The following LINS1 variants were observed in gnomAD, a reference collection of about 807,000 sequenced individuals.
LINS1 encodes the protein lines homolog 1, also known as protein Lines homolog 1.
Under a neutral mutation model 41.6 loss-of-function variants are expected in LINS1, and 27 were observed. The observed-to-expected ratio is 0.65, with a 90% CI of 0.48 to 0.89. The LOEUF is 0.89. Ranked by LOEUF, LINS1 falls within the 40% of genes least tolerant of loss-of-function variation. The pLI, the probability that LINS1 is intolerant of heterozygous loss-of-function variation, is 0.00. For synonymous variants in LINS1, 336 were observed against 312.9 expected, an observed-to-expected ratio of 1.07 and a Z score of -0.78; for missense variants, 955 against 884.1, an observed-to-expected ratio of 1.08 and a Z score of -1.02.
chr15:100,567,778 C>A lies in LINS1; in HGVS notation c.*1460G>T, dbSNP rs1596865202. On this transcript the variant is annotated 3_prime_UTR_variant, in exon 7 of 7. Transcript: ENST00000314742. ...CACCGACAGCATGTTAAAACGCAAA[C>A]CTTTTGACCTTTGCATTGCTATTTG... is the stretch of plus-strand genomic sequence containing the variant. The A allele has an allele frequency of 6.6e-6, 1 of 152,160 alleles. No individual in the cohort carries two copies. The highest frequency in any genetic ancestry group is 2.4e-5 in the African/African-American group (1 of 41,420). The allele number at this position is 152,160 out of a possible 1,614,324, so 9.4% of individuals were successfully genotyped here.
chr15:100,569,729 C>G lies in LINS1; in HGVS notation c.1783G>C (p.Asp595His). The G allele has an allele frequency of 6.2e-7, 1 of 1,613,662 alleles. No homozygotes were observed. Among genetic ancestry groups the G allele is most frequent in the Non-Finnish European group, 8.5e-7 (1 of 1,179,750 alleles). ...GCTTTCAGTGGTTCAGAGGGAGCAT[C>G]GGAAGCCCAGGAGTGCCGAGCACAC... Reference protein sequence around the residue: ...DVCARHSWASDAPSEPLKAVM... With the variant: ...DVCARHSWASHAPSEPLKAVM... The change falls in exon 7 of 7, where the codon GAT becomes CAT. Residue 595 changes from aspartate to histidine, a missense_variant. Coordinates refer to ENST00000314742, the MANE Select transcript of LINS1 (RefSeq NM_001040616.3).
In LINS1 at chr15:100,580,892, A is replaced by G; in HGVS notation, c.-50T>C. On this transcript the variant is annotated 5_prime_UTR_variant, in exon 2 of 7. Coordinates refer to ENST00000314742, the MANE Select transcript of LINS1 (RefSeq NM_001040616.3). The stretch of plus-strand genomic sequence containing the variant: ...AAGAAGGTCGACAACTCCAAGTTGT[A>G]AACATTAAATCTCAGAAGTGCAATG... 1.3e-6 allele frequency: 2 copies of G among 1,524,592 alleles called. No homozygotes were observed. Among genetic ancestry groups the G allele is most frequent in the Non-Finnish European group, 1.8e-6 (2 of 1,111,364 alleles). 94.4% of individuals were successfully genotyped at this position (1,524,592 alleles called of 1,614,324 possible).
chr15:100,572,092 T>C, intron 5 of LINS1, 27 bp from the exon 6 acceptor site: 1 of 1,613,326 alleles, frequency 6.2e-7, no homozygotes, highest in Non-Finnish European at 8.5e-7. Context: ...TTTCAAAGTG[T>C]AGGCAATAGT....
chr15:100,587,323 A>G (rs912235294), intron 1 of LINS1, among the ~76,000 whole-genome samples: 1 of 152,068 alleles, frequency 6.6e-6, no homozygotes, highest in Non-Finnish European at 1.5e-5. Flanking sequence ...AAGTACTTAT[A>G]TAGGTCATGT....
intron 5 of LINS1, 160 bp downstream of exon 5, chr15:100,573,491 A>G: frequency 3.7e-6 from 3 of 800,220 alleles, no homozygotes; most frequent in South Asian, 2.1e-5. Flanking sequence ...AGGTAAATCC[A>G]GTTCTTTTTT....
intron 6 of LINS1, 109 bp from the exon 7 acceptor site, chr15:100,570,226 T>A: frequency 2.2e-6 from 2 of 892,222 alleles, no homozygotes; most frequent in East Asian, 2.6e-5. Context: ...TACTTTTAAA[T>A]CTATGCATCA....
chr15:100,590,222 G>C (rs1826577), intron 1 of LINS1, among the ~76,000 whole-genome samples: 127,981 of 152,174 alleles, frequency 0.84, 54,657 homozygotes, highest in Non-Finnish European at 0.91. Flanking sequence ...TTGTTTATGC[G>C]TCCAAGAACA....
chr15:100,572,245 C>A, intron 5 of LINS1, 180 bp from the exon 6 acceptor site: 3 of 1,422,326 alleles, frequency 2.1e-6, no homozygotes, highest in South Asian at 1.5e-5. Context: ...GACACTGAGG[C>A]TCAGGGAAAA....
intron 1 of LINS1, among the ~76,000 whole-genome samples, chr15:100,600,098 T>A (rs2039415244): frequency 6.6e-6 from 1 of 152,126 alleles, no homozygotes; most frequent in Non-Finnish European, 1.5e-5. Flanking sequence ...TGAACAAATT[T>A]AAAGATGTAA....
At chr15:100,574,718 A>G (rs906310605) in intron 4 of LINS1, among the ~76,000 whole-genome samples, 2 of 152,348 alleles carry the variant, frequency 1.3e-5, no homozygotes, top group Non-Finnish European at 2.9e-5. Context: ...AAAAAATAAA[A>G]CAAAACAAAA....
chr15:100,601,799 C>A (rs1357064987), intron 1 of LINS1, among the ~76,000 whole-genome samples: 2 of 152,098 alleles, frequency 1.3e-5, no homozygotes, highest in East Asian at 3.9e-4. Context: ...CCTCTCCATT[C>A]ATTCACAGGA....
intron 1 of LINS1, among the ~76,000 whole-genome samples, chr15:100,588,173 GT>G (rs1376079713): frequency 6.6e-6 from 1 of 152,180 alleles, no homozygotes; most frequent in African/African-American, 2.4e-5. Context: ...ATAAAGAGGG[GT>G]ACCCTAGGAT....
rs776150946 is a variant in LINS1, at chr15:100,574,073, T to C, written c.800A>G (p.Lys267Arg). The change falls in exon 5 of 7, where the codon AAG becomes AGG. Residue 267 changes from lysine to arginine, a missense_variant. Transcript: ENST00000314742. ...ELLIASRIHL[K>R]LHFTCQRILF... ...AATCCTCTGGCAAGTGAAATGTAAC[T>C]TCAGGTGGATTCTGGAGGCGATGAG... 1 of 1,614,188 alleles carries C rather than the reference T, an allele frequency of 6.2e-7. No homozygotes were observed. Among genetic ancestry groups the C allele is most frequent in the African/African-American group, 1.3e-5 (1 of 75,058 alleles).
chr15:100,596,873 A>G (rs1239994366), intron 1 of LINS1: 1 of 152,158 alleles, frequency 6.6e-6, no homozygotes, highest in Non-Finnish European at 1.5e-5. Flanking sequence ...TTACCATAAA[A>G]CTTCCCTGGG....
At position 100,573,943 on chromosome 15, in the gene LINS1, T is replaced by TTTA. The variant is rs2037999324; in HGVS notation, c.927_929dup (p.Cys309_Lys310insAsn). The TTTA allele has an allele frequency of 6.2e-7, 1 of 1,614,110 alleles. No individual in the cohort carries two copies. On this transcript the variant is annotated inframe_insertion, in exon 5 of 7. Coordinates refer to ENST00000314742, the MANE Select transcript of LINS1 (RefSeq NM_001040616.3). ...ATCCACGACAGAGGTCTTCACCCACTTTACAGAGAAGGCACTTTTTGAGGA... is the reference window on the plus strand; with the variant it reads ...ATCCACGACAGAGGTCTTCACCCACTTTATTACAGAGAAGGCACTTTTTGAGGA...
chr15:100,579,980 A>G (rs565363130), intron 3 of LINS1, among the ~76,000 whole-genome samples: 7 of 152,208 alleles, frequency 4.6e-5, no homozygotes, highest in South Asian at 4.1e-4. Context: ...ATGGCTTTAC[A>G]TATGTTATTA....
At chr15:100,592,320 A>T (rs1175342895) in intron 1 of LINS1, among the ~76,000 whole-genome samples, 1 of 152,186 alleles carries the variant, frequency 6.6e-6, no homozygotes, top group Non-Finnish European at 1.5e-5. Flanking sequence ...GACGCCAAGA[A>T]CCTGGACACC....
chr15:100,595,702 A>C (rs1305327660), intron 1 of LINS1, among the ~76,000 whole-genome samples: 1 of 152,242 alleles, frequency 6.6e-6, no homozygotes, highest in Non-Finnish European at 1.5e-5. Context: ...TAGTTTCTTT[A>C]TATGATGTGG....
intron 5 of LINS1, 113 bp downstream of exon 5, chr15:100,573,538 A>G (rs776360219): frequency 2.5e-6 from 2 of 812,562 alleles, no homozygotes; most frequent in South Asian, 3.4e-5. Flanking sequence ...AAATAGGATA[A>G]CATACAGCTT....
Sources: allele counts gnomAD v4.1 joint callset (sites outside exome capture counted in the v4.1 genomes callset), GRCh38; gene constraint gnomAD v4.1.1; transcripts MANE v1.5; gene names NCBI Gene and HGNC (gene_info 2026-07-23, HGNC 2026-07-21).